The following MAP2K5 variants were observed in gnomAD, a reference collection of about 807,000 sequenced individuals.
MAP2K5 encodes dual specificity mitogen-activated protein kinase kinase 5.
A neutral mutation model predicts 83.1 loss-of-function variants in MAP2K5; 49 were observed. That is an observed-to-expected ratio of 0.59 (90% CI 0.47 to 0.75). The LOEUF is 0.75. Ranked by LOEUF, MAP2K5 falls within the 30% of genes least tolerant of loss-of-function variation. MAP2K5 has a pLI of 0.00. For synonymous variants in MAP2K5, 202 were observed against 191.8 expected (o/e 1.05, Z -0.44); for missense variants, 457 against 557.5 (o/e 0.82, Z 1.82).
chr15:67,689,397 A>G (rs2088040712), intron 13 of MAP2K5, among the ~76,000 whole-genome samples: 2 of 152,226 alleles, frequency 1.3e-5, no homozygotes, highest in Non-Finnish European at 2.9e-5. Flanking sequence ...CAGGATTCAG[A>G]TAGTTGGAAA....
intron 11 of MAP2K5, among the ~76,000 whole-genome samples, chr15:67,651,149 T>C (rs979830331): frequency 3.3e-5 from 5 of 152,166 alleles, no homozygotes; most frequent in Non-Finnish European, 7.3e-5. Context: ...ACCTGGAAGC[T>C]GGAGGTTGCA....
rs2088998723 is a variant in MAP2K5, at chr15:67,722,957, T to A, written c.1045-4959T>A. On this transcript the variant is annotated intron_variant, in intron 16 of 21. Transcript: ENST00000178640. This position sits in a 1 kb window ranked among gnomAD's most constrained non-coding sequence, Gnocchi z 4.2. ...CAATTTGTAGTTATGCCGAGAAACA[T>A]AGAATATGTCTAAATTAAGAATAAA... 6.6e-6 allele frequency among the ~76,000 whole-genome samples: 1 copy of A among 152,158 alleles called. No homozygotes were observed. Among genetic ancestry groups the A allele is most frequent in the African/African-American group, 2.4e-5 (1 of 41,458 alleles).
chr15:67,612,808 A>C (rs2085958763), intron 8 of MAP2K5, among the ~76,000 whole-genome samples: 1 of 152,224 alleles, frequency 6.6e-6, no homozygotes, highest in Non-Finnish European at 1.5e-5. Flanking sequence ...GAAACTGTTC[A>C]ATTAAAGCAC....
intron 21 of MAP2K5, among the ~76,000 whole-genome samples, chr15:67,776,449 T>C (rs2090240774): frequency 6.6e-6 from 1 of 151,866 alleles, no homozygotes; most frequent in African/African-American, 2.4e-5. Context: ...ATGGCTTATG[T>C]GGGAAAAAGC....
At chr15:67,604,667 C>T (rs2085739537) in intron 8 of MAP2K5, among the ~76,000 whole-genome samples, 1 of 152,000 alleles carries the variant, frequency 6.6e-6, no homozygotes, top group Non-Finnish European at 1.5e-5. Context: ...GAGGCCGAGG[C>T]AGGTGGATCA....
chr15:67,718,751 G>A (rs2088886529), intron 16 of MAP2K5, among the ~76,000 whole-genome samples: 1 of 152,110 alleles, frequency 6.6e-6, no homozygotes, highest in South Asian at 2.1e-4. Context: ...GTGACAGAGC[G>A]AGACTCCATC....
intron 20 of MAP2K5, among the ~76,000 whole-genome samples, chr15:67,772,292 CTTACTGTCT>C (rs1176554043): frequency 6.6e-6 from 1 of 151,770 alleles, no homozygotes; most frequent in Non-Finnish European, 1.5e-5. Flanking sequence ...TGTTTCTTTC[CTTACTGTCT>C]TATCCCAATT....
intron 3 of MAP2K5, among the ~76,000 whole-genome samples, chr15:67,571,899 GGTGCAGTGAGC>G (rs2084954275): frequency 6.6e-6 from 1 of 152,142 alleles, no homozygotes; most frequent in South Asian, 2.1e-4. Flanking sequence ...AGGTGGTGGG[GGTGCAGTGAGC>G]GTACAGTTCA....
At chr15:67,784,325 A>C (rs2090379431) in intron 21 of MAP2K5, among the ~76,000 whole-genome samples, 7 of 152,276 alleles carry the variant, frequency 4.6e-5, no homozygotes. Context: ...TGTGGTTTAG[A>C]GAATTTCCGC....
Position 67,758,496 on chromosome 15 carries a change from A to G in MAP2K5, c.1134+9895A>G, listed in dbSNP as rs1203991613. On this transcript the variant is annotated intron_variant, in intron 19 of 21. Coordinates refer to ENST00000178640, the MANE Select transcript of MAP2K5 (RefSeq NM_145160.3). This position sits in a 1 kb window ranked among gnomAD's most constrained non-coding sequence, Gnocchi z 4.7. ...CTCCAGATTCAATTATGAGTTTAACAACTAGACTCTAAGTTCCTAGACATT... is the reference window on the plus strand; with the variant it reads ...CTCCAGATTCAATTATGAGTTTAACGACTAGACTCTAAGTTCCTAGACATT... Among the ~76,000 whole-genome samples the G allele has an allele frequency of 1.4e-5, 2 of 146,774 alleles. No individual in the cohort carries two copies. The highest frequency in any genetic ancestry group is 3.1e-5 in the Non-Finnish European group (2 of 65,090).
At chr15:67,554,391 C>G (rs1301581401) in intron 2 of MAP2K5, among the ~76,000 whole-genome samples, 4 of 152,184 alleles carry the variant, frequency 2.6e-5, no homozygotes, top group African/African-American at 4.8e-5. Context: ...GAAAATATAC[C>G]TAACACTAAT....
chr15:67,567,380 CAG>C (rs1362760882), intron 3 of MAP2K5, among the ~76,000 whole-genome samples: 1 of 130,940 alleles, frequency 7.6e-6, no homozygotes, highest in Non-Finnish European at 1.6e-5. Flanking sequence ...TTTTTTGAGA[CAG>C]AGTCTCGCTC....
chr15:67,790,729 A>G lies in MAP2K5; in HGVS notation c.1243-15917A>G, dbSNP rs949672907. ...GAGCCAGTCACATAAAAACAAACAA[A>G]CAAAAAAAAAAAAACCTGTGTCCTA... On this transcript the variant is annotated intron_variant, in intron 21 of 21. Transcript: ENST00000178640. This position sits in a 1 kb window ranked among gnomAD's most constrained non-coding sequence, Gnocchi z 4.6. Among the ~76,000 whole-genome samples the G allele has an allele frequency of 4.6e-5, 7 of 151,830 alleles. No homozygotes were observed. Among genetic ancestry groups the G allele is most frequent in the African/African-American group, 1.7e-4 (7 of 41,288 alleles).
intron 3 of MAP2K5, among the ~76,000 whole-genome samples, chr15:67,574,150 T>G (rs1004960826): frequency 6.6e-6 from 1 of 152,110 alleles, no homozygotes; most frequent in Non-Finnish European, 1.5e-5. Flanking sequence ...TTCTCAAGAG[T>G]GGCTTGGGGT....
intron 11 of MAP2K5, among the ~76,000 whole-genome samples, chr15:67,651,959 G>C (rs1201960954): frequency 1.3e-5 from 2 of 152,136 alleles, no homozygotes; most frequent in African/African-American, 4.8e-5. Context: ...CATGGTAGCT[G>C]TACTAGTTTA....
intron 13 of MAP2K5, among the ~76,000 whole-genome samples, chr15:67,667,277 A>C (rs1303588277): frequency 1.3e-5 from 2 of 152,240 alleles, no homozygotes; most frequent in Non-Finnish European, 2.9e-5. Context: ...AGATCAGTTC[A>C]ATCAGGCAAT....
chr15:67,547,290 A>G (rs1487959571), intron 1 of MAP2K5, among the ~76,000 whole-genome samples: 2 of 151,928 alleles, frequency 1.3e-5, no homozygotes, highest in Non-Finnish European at 2.9e-5. Context: ...ATCAAGTTTT[A>G]TTGTCCTGTA....
rs2085639088 is a variant in MAP2K5, at chr15:67,600,678, T to C, written c.481-7T>C. 1.2e-6 allele frequency: 2 copies of C among 1,608,824 alleles called. No individual in the cohort carries two copies. Among genetic ancestry groups the C allele is most frequent in the Non-Finnish European group, 1.7e-6 (2 of 1,178,000 alleles). ...ACCCTTTTTGTTTTTCTTTCTTTCT[T>C]GTGGAGATGAATGAACAAGACATAC... On this transcript the variant is annotated splice_region_variant and splice_polypyrimidine_tract_variant and intron_variant, in intron 7 of 21. Coordinates refer to ENST00000178640, the MANE Select transcript of MAP2K5 (RefSeq NM_145160.3).
At position 67,543,513 on chromosome 15, in the gene MAP2K5, C is replaced by T; in HGVS notation, c.135+43C>T. 1 of 1,612,314 alleles carries T rather than the reference C, an allele frequency of 6.2e-7. No individual in the cohort carries two copies. Among genetic ancestry groups the T allele is most frequent in the Non-Finnish European group, 8.5e-7 (1 of 1,178,894 alleles). ...TGTCCGGATGCCAGCAAGGGGGACTCAGGGACTTGAGTAGTCAGCACCTTG... is the reference window on the plus strand; with the variant it reads ...TGTCCGGATGCCAGCAAGGGGGACTTAGGGACTTGAGTAGTCAGCACCTTG... On this transcript the variant is annotated intron_variant, in intron 1 of 21. Coordinates refer to ENST00000178640, the MANE Select transcript of MAP2K5 (RefSeq NM_145160.3). This position sits in a 1 kb window ranked among gnomAD's most constrained non-coding sequence, Gnocchi z 4.3.
Sources: gnomAD v4.1 joint callset for allele counts (sites outside exome capture counted in the v4.1 genomes callset) on GRCh38, gnomAD v4.1.1 for gene constraint, Gnocchi (gnomAD v3.1) non-coding constraint, MANE v1.5 for transcripts, NCBI Gene and HGNC (gene_info 2026-07-23, HGNC 2026-07-21) for gene names.